The following NELL2 variants were observed in gnomAD, a reference collection of about 807,000 sequenced individuals.
The protein encoded by NELL2 is protein kinase C-binding protein NELL2.
A neutral mutation model predicts 109.6 loss-of-function variants in NELL2; 41 were observed. The observed-to-expected ratio is 0.37, with a 90% confidence interval of 0.29 to 0.49. NELL2 has a LOEUF of 0.49. Among genes scored for constraint, NELL2 ranks in the 20% least tolerant of loss-of-function variants. The pLI is 0.98. For synonymous variants in NELL2, 355 were observed against 344.7 expected (o/e 1.03, Z -0.33); for missense variants, 900 against 1,008.3 (o/e 0.89, Z 1.45).
intron 9 of NELL2, among the ~76,000 whole-genome samples, chr12:44,731,949 G>A (rs986259322): frequency 3.3e-5 from 5 of 151,758 alleles, no homozygotes; most frequent in African/African-American, 7.3e-5. Context: ...ATAGGAAAAG[G>A]AAATAAAGTA....
chr12:44,899,887 C>G (rs542346088), intron 1 of NELL2, among the ~76,000 whole-genome samples: 9 of 152,068 alleles, frequency 5.9e-5, no homozygotes, highest in Admixed American at 2.6e-4. Flanking sequence ...CAAAGACACA[C>G]ATAGGCTCAA....
chr12:44,826,637 T>C (rs769620450), intron 2 of NELL2, among the ~76,000 whole-genome samples: 2 of 152,222 alleles, frequency 1.3e-5, no homozygotes, highest in Non-Finnish European at 2.9e-5. Flanking sequence ...TAATAGAAAT[T>C]GCTGATGAGA....
chr12:44,637,348 C>A (rs2136294838), intron 13 of NELL2, among the ~76,000 whole-genome samples: 1 of 150,622 alleles, frequency 6.6e-6, no homozygotes, highest in East Asian at 2.0e-4. Context: ...TATTGACCAC[C>A]TACCCTATAT....
At chr12:44,827,774 G>A (rs1943762289) in intron 2 of NELL2, among the ~76,000 whole-genome samples, 1 of 152,094 alleles carries the variant, frequency 6.6e-6, no homozygotes. Flanking sequence ...CAATAAATAT[G>A]GGAGTGCAGC....
intron 12 of NELL2, among the ~76,000 whole-genome samples, chr12:44,688,085 T>A (rs533673642): frequency 6.6e-6 from 1 of 152,184 alleles, no homozygotes; most frequent in Non-Finnish European, 1.5e-5. Context: ...TGAATCCCCA[T>A]AGTAAAATTT....
chr12:44,800,510 G>C (rs116302116), intron 3 of NELL2, among the ~76,000 whole-genome samples: 2 of 152,236 alleles, frequency 1.3e-5, no homozygotes, highest in South Asian at 4.1e-4. Context: ...TAGGAAGAAA[G>C]TAATATTCCC....
upstream of NELL2, among the ~76,000 whole-genome samples, chr12:44,915,953 C>G (rs555505986): frequency 6.3e-4 from 96 of 152,290 alleles, no homozygotes; most frequent in African/African-American, 2.3e-3. Flanking sequence ...TGAAAGATGC[C>G]TAGGTTCAGA....
intron 15 of NELL2, among the ~76,000 whole-genome samples, chr12:44,582,454 A>T (rs1406044466): frequency 1.3e-5 from 2 of 152,204 alleles, no homozygotes; most frequent in Admixed American, 6.5e-5. Context: ...TTAACCAATC[A>T]AAGTGGTATT....
intron 15 of NELL2, among the ~76,000 whole-genome samples, chr12:44,589,621 C>T (rs1360860364): frequency 2.0e-5 from 3 of 152,128 alleles, no homozygotes; most frequent in Admixed American, 6.5e-5. Flanking sequence ...CCTCGTGATC[C>T]GCCCACCTTG....
chr12:44,612,423 T>C (rs1173080067), intron 13 of NELL2, among the ~76,000 whole-genome samples: 2 of 151,826 alleles, frequency 1.3e-5, no homozygotes, highest in African/African-American at 4.8e-5. Flanking sequence ...CACAAATGGA[T>C]ATATTATTTT....
intron 15 of NELL2, among the ~76,000 whole-genome samples, chr12:44,558,335 T>C (rs1943333257): frequency 6.6e-6 from 1 of 152,136 alleles, no homozygotes; most frequent in Admixed American, 6.5e-5. Flanking sequence ...CAAAACAAGA[T>C]AGAAGGTAAA....
Position 44,652,368 on chromosome 12 carries a change from T to C in NELL2, c.1444+13116A>G, listed in dbSNP as rs1472367603. Among the ~76,000 whole-genome samples, 11 of 152,322 alleles carry C rather than the reference T, an allele frequency of 7.2e-5. 1 individual carries two copies. The highest frequency in any genetic ancestry group is 6.5e-4 in the Admixed American group (10 of 15,298). On this transcript the variant is annotated intron_variant, in intron 13 of 19. Coordinates refer to ENST00000429094, the MANE Select transcript of NELL2 (RefSeq NM_001145108.2). ...AAATGTATAGTCTATTTCTGTGTGA[T>C]TTTGTGTTTGTGTGTTTGTGTTCAC...
At chr12:44,750,043 A>G (rs1275244728) in intron 9 of NELL2, among the ~76,000 whole-genome samples, 1 of 152,130 alleles carries the variant, frequency 6.6e-6, no homozygotes, top group Non-Finnish European at 1.5e-5. Flanking sequence ...GGGAACATAT[A>G]AAAAGAGAGA....
chr12:44,745,631 A>C (rs1040627546), intron 9 of NELL2, among the ~76,000 whole-genome samples: 1 of 152,078 alleles, frequency 6.6e-6, no homozygotes, highest in African/African-American at 2.4e-5. Flanking sequence ...ATGTACAAAA[A>C]TCACAAGCAT....
rs368989580 is a variant in NELL2 at position 44,595,501 on chromosome 12, A to T, written c.1663+11668T>A. On this transcript the variant is annotated intron_variant, in intron 15 of 19. Coordinates refer to ENST00000429094, the MANE Select transcript of NELL2 (RefSeq NM_001145108.2). ...GAGTGCAGTGGTGCGAACTCGGCTC[A>T]CTGCAAGCTCCGCCTCCCGGCTTCA... 6.1e-3 allele frequency among the ~76,000 whole-genome samples: 929 copies of T among 152,176 alleles called. 8 individuals are homozygous for T. Among genetic ancestry groups the T allele is most frequent in the African/African-American group, 0.021 (867 of 41,522 alleles).
At chr12:44,876,547 T>C, upstream of NELL2, 3 of 1,456,024 alleles carry the variant, frequency 2.1e-6, no homozygotes, top group Non-Finnish European at 1.8e-6. Context: ...GCCAACCTCC[T>C]TTCGGGATTG....
intron 9 of NELL2, among the ~76,000 whole-genome samples, chr12:44,769,049 A>G (rs116355783): frequency 0.014 from 2,142 of 152,288 alleles, 48 homozygotes; most frequent in African/African-American, 0.048. Context: ...TTTTTGTTGA[A>G]AAGTCAAGAA....
intron 2 of NELL2, among the ~76,000 whole-genome samples, chr12:44,859,802 A>G (rs2136802903): frequency 6.6e-6 from 1 of 152,258 alleles, no homozygotes; most frequent in African/African-American, 2.4e-5. Flanking sequence ...ATGACACTGA[A>G]AGTCGTTCAC....
At chr12:44,808,299 T>C (rs765177234) in intron 3 of NELL2, among the ~76,000 whole-genome samples, 36 of 152,036 alleles carry the variant, frequency 2.4e-4, no homozygotes, top group Non-Finnish European at 2.1e-4. Context: ...ACATCACCTA[T>C]ATAAAAATTA....
Sources: gnomAD v4.1 joint callset for allele counts (sites outside exome capture counted in the v4.1 genomes callset) on GRCh38, gnomAD v4.1.1 for gene constraint, MANE v1.5 for transcripts, NCBI Gene and HGNC (gene_info 2026-07-23, HGNC 2026-07-21) for gene names.